Variants in VAMP4 observed in about 807,000 individuals in gnomAD.
VAMP4 encodes vesicle-associated membrane protein 4.
In VAMP4, 19 loss-of-function variants were observed where a neutral mutation model predicts 23.5. That is an observed-to-expected ratio of 0.81 (90% confidence interval 0.56 to 1.19). The LOEUF is 1.19. Among genes scored for constraint, VAMP4 ranks in the 50% most tolerant of loss-of-function variants. The pLI, the probability that VAMP4 is intolerant of heterozygous loss-of-function variation, is 0.00. For missense variants in VAMP4, 145 were observed against 168.6 expected (o/e 0.86, Z 0.78); for synonymous variants, 31 against 51.0 (o/e 0.61, Z 1.67).
Position 171,703,419 on chromosome 1 carries a change from T to TTTG in VAMP4, c.*1086_*1087insCAA, listed in dbSNP as rs1654524206. 29 of 87,956 alleles carry TTTG rather than the reference T, an allele frequency of 3.3e-4. No homozygotes were observed. The highest frequency in any genetic ancestry group is 9.8e-4 in the African/African-American group (24 of 24,448). The allele number at this position is 87,956 out of a possible 1,614,324, so 5.4% of individuals were successfully genotyped here. On this transcript the variant is annotated 3_prime_UTR_variant, in exon 8 of 8. Transcript: ENST00000236192. ...TGTGTGTGTGTGTGTGTGTGTGTGT[T>TTTG]TGTGTGTATATATATATATATATAT... is the stretch of plus-strand genomic sequence containing the variant.
At chr1:171,725,029 T>C (rs949841323) in intron 3 of VAMP4, among the ~76,000 whole-genome samples, 1 of 152,180 alleles carries the variant, frequency 6.6e-6, no homozygotes, top group Non-Finnish European at 1.5e-5. Context: ...TCACCATTCA[T>C]CTCTAGAACT....
chr1:171,708,045 A>T (rs1278051821), intron 6 of VAMP4, among the ~76,000 whole-genome samples: 2 of 152,082 alleles, frequency 1.3e-5, no homozygotes, highest in African/African-American at 4.8e-5. Flanking sequence ...CATGCCTGTA[A>T]TCCAGCACTT....
intron 1 of VAMP4, among the ~76,000 whole-genome samples, chr1:171,738,904 T>C (rs1182008816): frequency 4.6e-5 from 7 of 152,206 alleles, no homozygotes. Flanking sequence ...TTCTGCAGAG[T>C]TGGGACGGTC....
At chr1:171,716,212 AC>A (rs1655018967) in intron 4 of VAMP4, among the ~76,000 whole-genome samples, 1 of 152,094 alleles carries the variant, frequency 6.6e-6, no homozygotes, top group African/African-American at 2.4e-5. Context: ...TCTGACCAAG[AC>A]TATAATTGGG....
At chr1:171,725,460 T>A (rs1448390481) in intron 3 of VAMP4, among the ~76,000 whole-genome samples, 1 of 152,004 alleles carries the variant, frequency 6.6e-6, no homozygotes, top group African/African-American at 2.4e-5. Flanking sequence ...CAGCAAACAA[T>A]TAAAAAAAAT....
chr1:171,727,076 A>C (rs1361665990), intron 3 of VAMP4, among the ~76,000 whole-genome samples: 1 of 151,842 alleles, frequency 6.6e-6, no homozygotes, highest in Non-Finnish European at 1.5e-5. Context: ...TGCAAAATAT[A>C]AATAAATATA....
In VAMP4 at chr1:171,723,685, G is replaced by C. The variant is rs377026712; in HGVS notation, c.114-4464C>G. On this transcript the variant is annotated intron_variant, in intron 3 of 7. Transcript: ENST00000236192. ...ACATGCTTTACAAACAATTTGTGCAGTTAATGCAATCATCACAGGGTCCTG... is the reference window on the plus strand; with the variant it reads ...ACATGCTTTACAAACAATTTGTGCACTTAATGCAATCATCACAGGGTCCTG... Among the ~76,000 whole-genome samples, 6 of 152,136 alleles carry C rather than the reference G, an allele frequency of 3.9e-5. No homozygotes were observed. In the South Asian group the frequency reaches 1.2e-3, roughly 32 times the overall value.
chr1:171,707,378 AAT>A (rs1654692131), intron 6 of VAMP4, among the ~76,000 whole-genome samples: 2 of 152,160 alleles, frequency 1.3e-5, no homozygotes, highest in South Asian at 4.1e-4. Flanking sequence ...ACCACAATCA[AAT>A]ATAGGACATT....
At chr1:171,710,160 T>C (rs1042994557) in intron 5 of VAMP4, among the ~76,000 whole-genome samples, 11 of 151,456 alleles carry the variant, frequency 7.3e-5, no homozygotes, top group African/African-American at 2.4e-4. Flanking sequence ...AGGAAAACAA[T>C]ATACATTTTA....
intron 2 of VAMP4, among the ~76,000 whole-genome samples, chr1:171,736,560 C>T (rs1572257102): frequency 6.6e-6 from 1 of 152,222 alleles, no homozygotes; most frequent in East Asian, 1.9e-4. Flanking sequence ...CTGGATTTGG[C>T]AACATGGAAA....
At chr1:171,714,974 C>A (rs1052479968) in intron 4 of VAMP4, among the ~76,000 whole-genome samples, 2 of 152,090 alleles carry the variant, frequency 1.3e-5, no homozygotes, top group African/African-American at 4.8e-5. Flanking sequence ...GACATCAAGA[C>A]CCCTGTGCTG....
rs1330620854 is a variant in VAMP4, at chr1:171,703,425, G to GTGTATATATATATATATA, written c.*1080_*1081insTATATATATATATATACA. ...TGTGTGTGTGTGTGTGTGTTTGTGT[G>GTGTATATATATATATATA]TATATATATATATATATATATATAT... On this transcript the variant is annotated 3_prime_UTR_variant, in exon 8 of 8. Coordinates refer to ENST00000236192, the MANE Select transcript of VAMP4 (RefSeq NM_003762.5). 2 of 80,674 alleles carry GTGTATATATATATATATA rather than the reference G, an allele frequency of 2.5e-5. No homozygotes were observed. The highest frequency in any genetic ancestry group is 9.6e-5 in the African/African-American group (2 of 20,922). 5.0% of individuals were successfully genotyped at this position (80,674 alleles called of 1,614,324 possible). A position where few individuals can be genotyped will look rare whatever the true frequency, so the allele number is the denominator to read the frequency against.
chr1:171,722,271 C>T (rs1655221151), intron 3 of VAMP4, among the ~76,000 whole-genome samples: 1 of 152,164 alleles, frequency 6.6e-6, no homozygotes, highest in African/African-American at 2.4e-5. Context: ...GGATTAAAGA[C>T]TTAAATGTTA....
intron 3 of VAMP4, among the ~76,000 whole-genome samples, chr1:171,720,596 C>G (rs981915191): frequency 6.6e-6 from 1 of 151,982 alleles, no homozygotes; most frequent in African/African-American, 2.4e-5. Context: ...TTAACAGAAG[C>G]TAAGTGAAGC....
At position 171,702,527 on chromosome 1, in the gene VAMP4, T is replaced by A. The variant is rs762321530; in HGVS notation, c.*1979A>T. Reference sequence around the variant, plus strand: ...ACTTTTTGAGAAGTAATCTTCATCTTCACTTGTAGATATTATGGAGAAACC... The same window carrying A: ...ACTTTTTGAGAAGTAATCTTCATCTACACTTGTAGATATTATGGAGAAACC... On this transcript the variant is annotated 3_prime_UTR_variant, in exon 8 of 8. Transcript: ENST00000236192. 3 of 152,010 alleles carry A rather than the reference T, an allele frequency of 2.0e-5. No individual in the cohort carries two copies. Among genetic ancestry groups the A allele is most frequent in the Admixed American group, 6.6e-5 (1 of 15,254 alleles). 9.4% of individuals were successfully genotyped at this position (152,010 alleles called of 1,614,324 possible).
intron 1 of VAMP4, 21 bp from the exon 2 acceptor site, chr1:171,738,484 C>T (rs1655815308): frequency 6.6e-6 from 10 of 1,513,332 alleles, no homozygotes; most frequent in Non-Finnish European, 9.1e-6. Flanking sequence ...AAATAAATTT[C>T]ATCAGATTTG....
At position 171,701,959 on chromosome 1, in the gene VAMP4, T is replaced by C. The variant is rs546521721; in HGVS notation, c.*2547A>G. ...TTCAGGCATCAAAATAGTGACGTGA[T>C]TTCACTGAGTATCAACTAGTATTTG... On this transcript the variant is annotated 3_prime_UTR_variant, in exon 8 of 8. Transcript: ENST00000236192. The C allele has an allele frequency of 6.6e-6, 1 of 152,220 alleles. No homozygotes were observed. The highest frequency in any genetic ancestry group is 2.4e-5 in the African/African-American group (1 of 41,560). The allele number at this position is 152,220 out of a possible 1,614,324, so 9.4% of individuals were successfully genotyped here. A position where few individuals can be genotyped will look rare whatever the true frequency, so the allele number is the denominator to read the frequency against.
chr1:171,734,037 G>A (rs548590153), intron 2 of VAMP4, among the ~76,000 whole-genome samples: 41 of 152,230 alleles, frequency 2.7e-4, no homozygotes, highest in Middle Eastern at 3.4e-3. Flanking sequence ...GGAGGCCGAG[G>A]TGGGTGAATC....
At chr1:171,729,938 C>A (rs6674774) in intron 2 of VAMP4, among the ~76,000 whole-genome samples, 53,390 of 151,942 alleles carry the variant, frequency 0.35, 9,831 homozygotes, top group African/African-American at 0.47. Context: ...ATATGGGCCC[C>A]ATGCAGAGTG....
Sources: allele counts gnomAD v4.1 joint callset (sites outside exome capture counted in the v4.1 genomes callset), GRCh38; gene constraint gnomAD v4.1.1; transcripts MANE v1.5; gene names NCBI Gene and HGNC (gene_info 2026-07-23, HGNC 2026-07-21).